Variants in BAHCC1 observed in about 807,000 individuals in gnomAD.
The protein encoded by BAHCC1 is BAH and coiled-coil domain-containing protein 1.
A neutral mutation model predicts 88.2 loss-of-function variants in BAHCC1; 43 were observed. The observed-to-expected ratio is 0.49, with a 90% CI of 0.38 to 0.63. The LOEUF is 0.63. BAHCC1 is among the 20% of genes least tolerant of loss of function. The pLI is 0.00. For synonymous variants in BAHCC1, 1,510 were observed against 745.5 expected, an observed-to-expected ratio of 2.03 and a Z score of -16.71; for missense variants, 3,023 against 1,654.8, an observed-to-expected ratio of 1.83 and a Z score of -14.34.
In BAHCC1 at chr17:81,465,538, GC is replaced by G. The variant is rs2143688888; in HGVS notation, c.*1725del. ...ATCCTCCCACACTAAGGTTCCCCTG[GC>G]CCCACGGGAGCTTCAGGAAAGCCCC... On this transcript the variant is annotated 3_prime_UTR_variant, in exon 28 of 28. Coordinates refer to ENST00000675386, the MANE Select transcript of BAHCC1 (RefSeq NM_001377448.1). 6.6e-6 allele frequency: 1 copy of G among 152,470 alleles called. No homozygotes were observed. The highest frequency in any genetic ancestry group is 2.1e-4 in the South Asian group (1 of 4,834). 9.4% of individuals were successfully genotyped at this position (152,470 alleles called of 1,614,324 possible). A position where few individuals can be genotyped will look rare whatever the true frequency, so the allele number is the denominator to read the frequency against.
chr17:81,407,321 C>A (rs373358302), intron 2 of BAHCC1: 182 of 519,866 alleles, frequency 3.5e-4, no homozygotes, highest in Non-Finnish European at 6.1e-4. Context: ...AAAAGAGAAG[C>A]CTTAGCCATA....
chr17:81,401,569 G>A (rs1555646052), intron 2 of BAHCC1: 2 of 152,576 alleles, frequency 1.3e-5, no homozygotes, highest in African/African-American at 2.4e-5. Flanking sequence ...CGCTGAGGCT[G>A]GGGCCGCCCT....
rs2064718049 is a variant in BAHCC1, at chr17:81,454,879, C to T, written c.4446-388C>T. Among the ~76,000 whole-genome samples, 4 of 152,210 alleles carry T rather than the reference C, an allele frequency of 2.6e-5. No individual in the cohort carries two copies. The South Asian group carries it at 8.3e-4, about 32-fold the overall frequency. On this transcript the variant is annotated intron_variant, in intron 14 of 27. Transcript: ENST00000675386. ...TCAGAGCCCTCACCGGCCCCAGCCCCCGACACCTGGCCTCTGGGTCACTGT... is the reference window on the plus strand; with the variant it reads ...TCAGAGCCCTCACCGGCCCCAGCCCTCGACACCTGGCCTCTGGGTCACTGT...
chr17:81,426,451 T>TGGTG (rs1555650524), intron 2 of BAHCC1, among the ~76,000 whole-genome samples: 1 of 59,488 alleles, frequency 1.7e-5, no homozygotes, highest in Non-Finnish European at 3.4e-5. Flanking sequence ...TTGGGGGTGA[T>TGGTG]GTGGGTGATG....
Position 81,399,537 on chromosome 17 carries a change from A to G in BAHCC1, c.-203A>G. On this transcript the variant is annotated 5_prime_UTR_variant, in exon 2 of 28. It removes an upstream start codon present in the reference 5' UTR. Transcript: ENST00000675386. The surrounding 1 kb of genome is among the most constrained non-coding windows in gnomAD (Gnocchi z 4.5). ...TCCTCTGCTTTTGCCTCCACAGACCATGGACCCGCACAGCGGCCGCTGGCT... is the reference window on the plus strand; with the variant it reads ...TCCTCTGCTTTTGCCTCCACAGACCGTGGACCCGCACAGCGGCCGCTGGCT... 1 of 385,022 alleles carries G rather than the reference A, an allele frequency of 2.6e-6. No homozygotes were observed. Among genetic ancestry groups the G allele is most frequent in the Non-Finnish European group, 5.1e-6 (1 of 194,562 alleles). The allele number at this position is 385,022 out of a possible 1,614,324, so 23.9% of individuals were successfully genotyped here.
intron 3 of BAHCC1, among the ~76,000 whole-genome samples, chr17:81,436,825 A>G (rs782304175): frequency 1.1e-4 from 17 of 152,172 alleles, no homozygotes; most frequent in Non-Finnish European, 1.5e-4. Flanking sequence ...GCGGCCTCAC[A>G]GGGAGATGGG....
chr17:81,444,293 A>G, intron 6 of BAHCC1, 88 bp from the exon 7 acceptor site: 1 of 638,840 alleles, frequency 1.6e-6, no homozygotes, highest in Non-Finnish European at 2.8e-6. Context: ...GCTGAGCCCC[A>G]GGTCTTACAG....
intron 2 of BAHCC1, among the ~76,000 whole-genome samples, chr17:81,416,604 G>A (rs192074123): frequency 1.4e-5 from 2 of 145,150 alleles, no homozygotes; most frequent in East Asian, 2.1e-4. Context: ...GTGTATGCGC[G>A]TATGTACGTG....
intron 2 of BAHCC1, among the ~76,000 whole-genome samples, chr17:81,425,670 G>GATA (rs2064180428): frequency 1.5e-4 from 1 of 6,664 alleles, no homozygotes; most frequent in Non-Finnish European, 3.9e-4. Flanking sequence ...GGTTGGTGGT[G>GATA]ATGGTGGGTG....
At position 81,443,724 on chromosome 17, in the gene BAHCC1, C is replaced by T. The variant is rs1555653419; in HGVS notation, c.2216-85C>T. 4 of 679,256 alleles carry T rather than the reference C, an allele frequency of 5.9e-6. 1 individual carries two copies. In the Middle Eastern group the frequency reaches 7.3e-4, roughly 123 times the overall value. 42.1% of individuals were successfully genotyped at this position (679,256 alleles called of 1,614,324 possible). A position where few individuals can be genotyped will look rare whatever the true frequency, so the allele number is the denominator to read the frequency against. On this transcript the variant is annotated intron_variant, in intron 5 of 27. Coordinates refer to ENST00000675386, the MANE Select transcript of BAHCC1 (RefSeq NM_001377448.1). Reference sequence around the variant, plus strand: ...CTCCTCAGTGCATCAGGCCCCCCAGCTCGAAGCGGGGTCACTGCTTGCCTT... The same window carrying T: ...CTCCTCAGTGCATCAGGCCCCCCAGTTCGAAGCGGGGTCACTGCTTGCCTT...
chr17:81,399,152 T>TGTGC lies in BAHCC1; in HGVS notation c.-206-381_-206-380insTGCG, dbSNP rs1555645428. 2,534 of 365,568 alleles carry TGTGC rather than the reference T, an allele frequency of 6.9e-3. 10 individuals are homozygous for TGTGC. The highest frequency in any genetic ancestry group is 7.9e-3 in the Non-Finnish European group (1,405 of 178,128). The allele number at this position is 365,568 out of a possible 1,614,324, so 22.6% of individuals were successfully genotyped here. ...GAGTGTGTGTGTGTGTGTGTGTGTG[T>TGTGC]GCGAGTGTGCGTGATGGCTTCGCAG... On this transcript the variant is annotated intron_variant, in intron 1 of 27. Coordinates refer to ENST00000675386, the MANE Select transcript of BAHCC1 (RefSeq NM_001377448.1). This position sits in a 1 kb window ranked among gnomAD's most constrained non-coding sequence, Gnocchi z 4.5.
rs1235793772 is a variant in BAHCC1 at position 81,399,239 on chromosome 17, G to A, written c.-206-295G>A. 2.4e-6 allele frequency: 1 copy of A among 409,648 alleles called. No individual in the cohort carries two copies. 25.4% of individuals were successfully genotyped at this position (409,648 alleles called of 1,614,324 possible). ...CTTCGCCGCGGCGCCCTAGCTGCAGGGACCCGCGGGGACGAGAACGGGAGG... is the reference window on the plus strand; with the variant it reads ...CTTCGCCGCGGCGCCCTAGCTGCAGAGACCCGCGGGGACGAGAACGGGAGG... On this transcript the variant is annotated intron_variant, in intron 1 of 27. Coordinates refer to ENST00000675386, the MANE Select transcript of BAHCC1 (RefSeq NM_001377448.1). The surrounding 1 kb of genome is among the most constrained non-coding windows in gnomAD (Gnocchi z 4.5).
chr17:81,461,072 G>A lies in BAHCC1; in HGVS notation c.6409G>A (p.Ala2137Thr). ...GSSKKLRAREALFPVHSVATP... is the reference protein window; with the variant it reads ...GSSKKLRARETLFPVHSVATP... ...CAGCAAGAAGCTGCGGGCCCGCGAGGCCCTGTTCCCCGTGCACAGCGTGGC... is the reference window on the plus strand; with the variant it reads ...CAGCAAGAAGCTGCGGGCCCGCGAGACCCTGTTCCCCGTGCACAGCGTGGC... The change falls in exon 26 of 28, where the codon GCC (alanine) becomes ACC (threonine). Residue 2137 changes from alanine to threonine, a missense_variant. Coordinates refer to ENST00000675386, the MANE Select transcript of BAHCC1 (RefSeq NM_001377448.1). The A allele has an allele frequency of 1.3e-6, 1 of 770,268 alleles. No individual in the cohort carries two copies. Among genetic ancestry groups the A allele is most frequent in the South Asian group, 1.3e-5 (1 of 74,346 alleles). 47.7% of individuals were successfully genotyped at this position (770,268 alleles called of 1,614,324 possible). A position where few individuals can be genotyped will look rare whatever the true frequency, so the allele number is the denominator to read the frequency against.
intron 24 of BAHCC1, 52 bp from the exon 25 acceptor site, chr17:81,460,478 G>A: frequency 1.4e-6 from 1 of 726,000 alleles, no homozygotes; most frequent in Non-Finnish European, 2.6e-6. Context: ...GGTTGGGGTG[G>A]CAGTCACCCC....
chr17:81,430,729 C>T (rs2064250809), intron 3 of BAHCC1, among the ~76,000 whole-genome samples: 1 of 152,158 alleles, frequency 6.6e-6, no homozygotes, highest in East Asian at 1.9e-4. Flanking sequence ...CTGCCAGGGA[C>T]CTGCTGCTTC....
intron 1 of BAHCC1, among the ~76,000 whole-genome samples, chr17:81,398,268 T>C (rs991293680): frequency 1.3e-5 from 2 of 152,132 alleles, no homozygotes; most frequent in African/African-American, 4.8e-5. Flanking sequence ...GCAGCTTCTA[T>C]CACTGGCTCC....
Position 81,464,280 on chromosome 17 carries a change from G to C in BAHCC1, c.*463G>C. ...GGTTTTTCCCCATCCGCGTGACAAG[G>C]TGTGTGTGAGCGTGTATGTGTGTGC... On this transcript the variant is annotated 3_prime_UTR_variant, in exon 28 of 28. Transcript: ENST00000675386. 1 of 252,438 alleles carries C rather than the reference G, an allele frequency of 4.0e-6. No homozygotes were observed. 15.6% of individuals were successfully genotyped at this position (252,438 alleles called of 1,614,324 possible). A position where few individuals can be genotyped will look rare whatever the true frequency, so the allele number is the denominator to read the frequency against.
At chr17:81,438,272 C>T (rs2064363628) in intron 3 of BAHCC1, 98 bp from the exon 4 acceptor site, 1 of 730,474 alleles carries the variant, frequency 1.4e-6, no homozygotes, top group Non-Finnish European at 2.5e-6. Context: ...GACATCGCTC[C>T]TGGGCTGCCT....
chr17:81,462,167 T>C (rs2030355448), intron 26 of BAHCC1, 121 bp downstream of exon 26: 1 of 598,190 alleles, frequency 1.7e-6, no homozygotes, highest in Non-Finnish European at 3.0e-6. Context: ...AGTTAAAAAA[T>C]GTGGAAAACT....
Sources: allele counts gnomAD v4.1 joint callset (sites outside exome capture counted in the v4.1 genomes callset), GRCh38; gene constraint gnomAD v4.1.1; non-coding constraint Gnocchi (gnomAD v3.1); transcripts MANE v1.5; gene names NCBI Gene and HGNC (gene_info 2026-07-23, HGNC 2026-07-21).